Variants in MAPK8IP2 observed in about 807,000 individuals in gnomAD.
MAPK8IP2 encodes the protein mitogen-activated protein kinase 8 interacting protein 2, also known as C-Jun-amino-terminal kinase-interacting protein 2.
In MAPK8IP2, 15 loss-of-function variants were observed where a neutral mutation model predicts 75.6. The ratio of observed to expected loss-of-function variants is 0.20; its 90% CI spans 0.13 to 0.31. The LOEUF (loss-of-function observed/expected upper bound fraction) is 0.31, where lower values mean the gene tolerates loss of function less well. Among genes scored for constraint, MAPK8IP2 ranks in the 10% least tolerant of loss-of-function variants. The pLI is 1.00. For synonymous variants in MAPK8IP2, 632 were observed against 554.5 expected, an observed-to-expected ratio of 1.14 and a Z score of -1.96; for missense variants, 1,089 against 1,211.2, an observed-to-expected ratio of 0.90 and a Z score of 1.50.
chr22:50,604,699 G>A lies in MAPK8IP2; in HGVS notation c.1400G>A (p.Cys467Tyr), dbSNP rs752611467. 2 of 1,527,052 alleles carry A rather than the reference G, an allele frequency of 1.3e-6. No homozygotes were observed. Among genetic ancestry groups the A allele is most frequent in the South Asian group, 1.2e-5 (1 of 81,788 alleles). 94.6% of individuals were successfully genotyped at this position (1,527,052 alleles called of 1,614,324 possible). Residue 467 changes from cysteine to tyrosine, a missense_variant, in exon 5 of 12, where the codon TGC becomes TAC. Cys to Tyr is a radical substitution (Grantham distance 194). Coordinates refer to ENST00000329492, the MANE Select transcript of MAPK8IP2 (RefSeq NM_012324.6). ...CCGGGACGAGCCTGCTCCGCCGCCT[G>A]CTCCGAGGAGGAGGACGAAGAGGAC... The part of the protein sequence containing the change: ...ARPGRACSAA[C>Y]SEEEDEEDDE...
In MAPK8IP2 at chr22:50,603,675, G is replaced by A; in HGVS notation, c.497G>A (p.Trp166Ter). ...GGFDLVRPASWQETALCSPAP... is the reference protein window; with the variant it reads ...GGFDLVRPAS Reference sequence around the variant, plus strand: ...TTTGACCTGGTGCGTCCGGCCTCCTGGCAGGAGACAGCGCTATGCTCACCC... The same window carrying A: ...TTTGACCTGGTGCGTCCGGCCTCCTAGCAGGAGACAGCGCTATGCTCACCC... Residue 166 changes from tryptophan to a stop codon, truncating the protein, a stop_gained, in exon 4 of 12, where the codon TGG becomes TAG. Coordinates refer to ENST00000329492, the MANE Select transcript of MAPK8IP2 (RefSeq NM_012324.6). LOFTEE classifies it high-confidence loss of function. The A allele has an allele frequency of 6.3e-7, 1 of 1,589,778 alleles. No homozygotes were observed. Among genetic ancestry groups the A allele is most frequent in the Non-Finnish European group, 8.6e-7 (1 of 1,168,538 alleles).
intron 5 of MAPK8IP2, 134 bp from the exon 6 acceptor site, chr22:50,605,234 A>T (rs1022317446): frequency 9.9e-6 from 11 of 1,110,654 alleles, no homozygotes; most frequent in Admixed American, 6.2e-5. Flanking sequence ...GCTCTGCCTC[A>T]GCTCCTTCCC....
chr22:50,602,036 C>A, intron 2 of MAPK8IP2, 142 bp downstream of exon 2: 7 of 656,780 alleles, frequency 1.1e-5, no homozygotes, highest in East Asian at 2.7e-5. Flanking sequence ...CCACTTAACC[C>A]TTGAGGTTTC....
At chr22:50,601,499 C>T (rs1488235140) in intron 1 of MAPK8IP2, 1 of 388,368 alleles carries the variant, frequency 2.6e-6, no homozygotes, top group East Asian at 4.8e-5. Flanking sequence ...ACCCCAGGGG[C>T]CTGGAGCTGC....
chr22:50,609,583 G>C, intron 10 of MAPK8IP2: 1 of 362,892 alleles, frequency 2.8e-6, no homozygotes, highest in South Asian at 2.0e-5. Context: ...GGGAATGGAC[G>C]GGTCGGCCAG....
Position 50,603,393 on chromosome 22 carries a change from T to A in MAPK8IP2, c.342T>A (p.Pro114=). The change falls in exon 3 of 12, where the codon CCT becomes CCA. Residue 114 remains proline, a synonymous_variant. Transcript: ENST00000329492. ...GDGEGQEGGD[P]GSEAPAPGPL... Reference sequence around the variant, plus strand: ...GGGAAGGCCAGGAGGGAGGAGACCCTGGCTCAGAGGCACCTGCCCCCGGGC... The same window carrying A: ...GGGAAGGCCAGGAGGGAGGAGACCCAGGCTCAGAGGCACCTGCCCCCGGGC... 1 of 1,556,490 alleles carries A rather than the reference T, an allele frequency of 6.4e-7. No individual in the cohort carries two copies. The highest frequency in any genetic ancestry group is 8.7e-7 in the Non-Finnish European group (1 of 1,151,334).
intron 8 of MAPK8IP2, among the ~76,000 whole-genome samples, 165 bp downstream of exon 8, chr22:50,606,099 C>G (rs2071045065): frequency 1.3e-5 from 2 of 152,200 alleles, no homozygotes; most frequent in Non-Finnish European, 2.9e-5. Flanking sequence ...ACCCCAGGCC[C>G]TGGTTCAGAG....
Position 50,610,853 on chromosome 22 carries a change from A to C in MAPK8IP2, c.*74A>C. On this transcript the variant is annotated 3_prime_UTR_variant, in exon 12 of 12. Transcript: ENST00000329492. This position sits in a 1 kb window ranked among gnomAD's most constrained non-coding sequence, Gnocchi z 4.3. ...GCTGAGGATGTCTCAAGAGGCCACC[A>C]TGGCTTTGGCAAGGACTGGATTGGG... The C allele has an allele frequency of 7.4e-7, 1 of 1,354,264 alleles. No individual in the cohort carries two copies. Among genetic ancestry groups the C allele is most frequent in the Non-Finnish European group, 1.0e-6 (1 of 978,982 alleles). 83.9% of individuals were successfully genotyped at this position (1,354,264 alleles called of 1,614,324 possible).
Position 50,604,799 on chromosome 22 carries a change from G to C in MAPK8IP2, c.1500G>C (p.Arg500=). The change falls in exon 5 of 12, where the codon CGG becomes CGC. Residue 500 remains arginine, a synonymous_variant. Coordinates refer to ENST00000329492, the MANE Select transcript of MAPK8IP2 (RefSeq NM_012324.6). ...GGGGCACGGGCCCCTCGGCGCCGCG[G>C]GACGCGTCGCTGGTGTACGACGCGG... ...GGRGTGPSAP[R]DASLVYDAVK... The C allele has an allele frequency of 6.5e-7, 1 of 1,549,478 alleles. No homozygotes were observed. Among genetic ancestry groups the C allele is most frequent in the Non-Finnish European group, 8.7e-7 (1 of 1,148,354 alleles).
In MAPK8IP2 at chr22:50,604,112, C is replaced by A. The variant is rs768514701; in HGVS notation, c.813C>A (p.Ile271=). ...GCCTGGGGCGCATGATCTCGTCCAT[C>A]TCGGAGACGGAGCTGGAGCTGAGCA... is the stretch of plus-strand genomic sequence containing the variant. ...GARLGRMISS[I]SETELELSSD... Residue 271 remains isoleucine, a synonymous_variant, in exon 5 of 12, where the codon ATC becomes ATA. Transcript: ENST00000329492. 1 of 1,553,100 alleles carries A rather than the reference C, an allele frequency of 6.4e-7. No individual in the cohort carries two copies. The highest frequency in any genetic ancestry group is 8.6e-7 in the Non-Finnish European group (1 of 1,158,256).
rs755283125 is a variant in MAPK8IP2, at chr22:50,604,080, G to T, written c.781G>T (p.Gly261Cys). The T allele has an allele frequency of 6.5e-7, 1 of 1,543,692 alleles. No homozygotes were observed. Among genetic ancestry groups the T allele is most frequent in the Admixed American group, 1.9e-5 (1 of 51,928 alleles). The change falls in exon 5 of 12, where the codon GGC (glycine) becomes TGC (cysteine). Residue 261 changes from glycine (G) to cysteine (C), a missense_variant. Gly to Cys is a radical substitution (Grantham distance 159, BLOSUM62 -3). Around this residue, in one of 2 missense-constraint regions of MAPK8IP2, gnomAD observed 960 missense variants for 1,009.6 expected, o/e 0.95. Transcript: ENST00000329492. ...CGGCTCCGACTCGGAGGACGCGGGC[G>T]GCGCGCGCCTGGGGCGCATGATCTC... ...SPGSDSEDAG[G>C]ARLGRMISSI... is the part of the protein sequence containing the mutation.
rs1046515929 is a variant in MAPK8IP2 at position 50,603,881 on chromosome 22, C to T, written c.582C>T (p.Gly194=). The T allele has an allele frequency of 3.3e-6, 5 of 1,534,508 alleles. No individual in the cohort carries two copies. The highest frequency in any genetic ancestry group is 4.4e-6 in the Non-Finnish European group (5 of 1,143,140). The part of the protein sequence containing the change: ...GPLPATDTGP[G]GAQSPVRPGC... ...TCCCTGCCACGGACACCGGGCCCGG[C>T]GGGGCGCAGTCGCCAGTGCGCCCGG... The change falls in exon 5 of 12, where the codon GGC becomes GGT. Residue 194 remains glycine, a synonymous_variant. Coordinates refer to ENST00000329492, the MANE Select transcript of MAPK8IP2 (RefSeq NM_012324.6).
Position 50,603,611 on chromosome 22 carries a change from G to A in MAPK8IP2, c.448-15G>A, listed in dbSNP as rs2070979810. On this transcript the variant is annotated splice_polypyrimidine_tract_variant and intron_variant, in intron 3 of 11. Transcript: ENST00000329492. ...TGGCCCTCCTCAGGACCGCCGTCAT[G>A]TATCTCCACCCCAGGACTCCCTAAA... 2 of 1,589,318 alleles carry A rather than the reference G, an allele frequency of 1.3e-6. No individual in the cohort carries two copies. The highest frequency in any genetic ancestry group is 1.3e-5 in the African/African-American group (1 of 74,268).
Position 50,611,746 on chromosome 22 carries a change from G to A in MAPK8IP2, c.*967G>A, listed in dbSNP as rs2071154851. Reference sequence around the variant, plus strand: ...GGTGCCGTATCTAGAAGCACCCTTGGGAATTCTCCCTAGATACACTCGATT... The same window carrying A: ...GGTGCCGTATCTAGAAGCACCCTTGAGAATTCTCCCTAGATACACTCGATT... On this transcript the variant is annotated 3_prime_UTR_variant, in exon 12 of 12. Coordinates refer to ENST00000329492, the MANE Select transcript of MAPK8IP2 (RefSeq NM_012324.6). This position sits in a 1 kb window ranked among gnomAD's most constrained non-coding sequence, Gnocchi z 5.5. 1 of 152,192 alleles carries A rather than the reference G, an allele frequency of 6.6e-6. No individual in the cohort carries two copies. Among genetic ancestry groups the A allele is most frequent in the Non-Finnish European group, 1.5e-5 (1 of 68,058 alleles). 9.4% of individuals were successfully genotyped at this position (152,192 alleles called of 1,614,324 possible).
At chr22:50,609,749 G>A (rs539058908) in intron 10 of MAPK8IP2, 16 of 516,030 alleles carry the variant, frequency 3.1e-5, no homozygotes, top group East Asian at 5.5e-5. Context: ...CAGTGGGAGC[G>A]AGGGGTAGAC....
intron 1 of MAPK8IP2, 53 bp downstream of exon 1, chr22:50,600,936 C>T (rs1034077694): frequency 4.3e-5 from 31 of 723,330 alleles, no homozygotes; most frequent in Middle Eastern, 5.7e-4. Context: ...TGCGCACCCC[C>T]CCGACCCCGA....
At chr22:50,608,123 G>A (rs915464524) in intron 10 of MAPK8IP2, among the ~76,000 whole-genome samples, 10 of 152,348 alleles carry the variant, frequency 6.6e-5, no homozygotes, top group African/African-American at 2.4e-4. Flanking sequence ...CATCTTGGGG[G>A]CCTTGTGGAC....
rs2071006423 is a variant in MAPK8IP2 at position 50,604,486 on chromosome 22, A to G, written c.1187A>G (p.Asp396Gly). 1 of 1,247,374 alleles carries G rather than the reference A, an allele frequency of 8.0e-7. No individual in the cohort carries two copies. Among genetic ancestry groups the G allele is most frequent in the Non-Finnish European group, 1.0e-6 (1 of 999,890 alleles). 77.3% of individuals were successfully genotyped at this position (1,247,374 alleles called of 1,614,324 possible). The change falls in exon 5 of 12, where the codon GAC (aspartate) becomes GGC (glycine). Residue 396 changes from aspartate (D) to glycine (G), a missense_variant. Physicochemically the swap from Asp to Gly is moderately conservative, Grantham distance 94 (BLOSUM62 -1). This residue lies in a region of MAPK8IP2 where 960 missense variants were observed against 1,009.6 expected (regional missense o/e 0.95). Transcript: ENST00000329492. ...GGCGGGGCCGCCCAGGACTCCCAGG[A>G]CCCCGAGGCGGCCGCGGGGCCCGGC... ...PAGGAAQDSQ[D>G]PEAAAGPGGV...
chr22:50,603,356 A>AG lies in MAPK8IP2; in HGVS notation c.307dup (p.Glu103GlyfsTer57). The AG allele has an allele frequency of 6.4e-7, 1 of 1,555,116 alleles. No individual in the cohort carries two copies. The highest frequency in any genetic ancestry group is 8.7e-7 in the Non-Finnish European group (1 of 1,152,434). On this transcript the variant is annotated frameshift_variant, in exon 3 of 12. Transcript: ENST00000329492. LOFTEE classifies it high-confidence loss of function. ...GACGAGGAAGAGGAGGAGGAGGAGG[A>AG]GGAGGGAGATGGGGAAGGCCAGGAG...
Sources: allele counts gnomAD v4.1 joint callset (sites outside exome capture counted in the v4.1 genomes callset), GRCh38; gene constraint gnomAD v4.1.1; regional missense constraint gnomAD v4.1.1; non-coding constraint Gnocchi (gnomAD v3.1); transcripts MANE v1.5; gene names NCBI Gene and HGNC (gene_info 2026-07-23, HGNC 2026-07-21).